SMC1B: variants seen among roughly 807,000 people sequenced by gnomAD.
The protein encoded by SMC1B is structural maintenance of chromosomes 1B.
A neutral mutation model predicts 157.9 loss-of-function variants in SMC1B; 60 were observed. The observed-to-expected ratio is 0.38, with a 90% CI of 0.31 to 0.47. The LOEUF (loss-of-function observed/expected upper bound fraction) is 0.47. SMC1B is among the 20% of genes least tolerant of loss of function. The pLI is 0.99. For synonymous variants in SMC1B, 445 were observed against 483.0 expected (o/e 0.92, Z 1.03); for missense variants, 1,165 against 1,426.2 (o/e 0.82, Z 2.95).
Position 45,361,987 on chromosome 22 carries a change from G to A in SMC1B, c.2563-3C>T. Reference sequence around the variant, plus strand: ...GTCTGCAGACAGTTTTCTTCAGCCTGAACAGAGAGGATCTGCATTGTAGAT... The same window carrying A: ...GTCTGCAGACAGTTTTCTTCAGCCTAAACAGAGAGGATCTGCATTGTAGAT... On this transcript the variant is annotated splice_polypyrimidine_tract_variant and splice_region_variant and intron_variant, in intron 16 of 24. Transcript: ENST00000357450. The A allele has an allele frequency of 6.2e-7, 1 of 1,612,266 alleles. No homozygotes were observed. The highest frequency in any genetic ancestry group is 8.5e-7 in the Non-Finnish European group (1 of 1,179,458).
chr22:45,369,542 CTT>C (rs136566), intron 15 of SMC1B, among the ~76,000 whole-genome samples: 78 of 110,728 alleles, frequency 7.0e-4, no homozygotes, highest in East Asian at 1.6e-3. Context: ...CTAGCTGTTT[CTT>C]TTTTTTTTTT....
intron 7 of SMC1B, among the ~76,000 whole-genome samples, chr22:45,395,916 G>T (rs970589084): frequency 1.3e-5 from 2 of 152,260 alleles, no homozygotes; most frequent in Non-Finnish European, 2.9e-5. Flanking sequence ...TAGGAGCTGG[G>T]ATATAAAGAA....
intron 6 of SMC1B, 76 bp downstream of exon 6, chr22:45,399,019 C>G (rs2087159997): frequency 2.8e-6 from 4 of 1,428,370 alleles, no homozygotes; most frequent in Non-Finnish European, 3.8e-6. Context: ...GAGAGGTCAT[C>G]TTTTAAATTT....
intron 9 of SMC1B, 50 bp from the exon 10 acceptor site, chr22:45,389,947 TA>T: frequency 6.9e-7 from 1 of 1,452,040 alleles, no homozygotes; most frequent in Non-Finnish European, 9.5e-7. Flanking sequence ...TAGAGTGAAA[TA>T]TATAATTCAT....
intron 1 of SMC1B, 60 bp from the exon 2 acceptor site, chr22:45,408,958 G>T: frequency 9.2e-7 from 1 of 1,081,282 alleles, no homozygotes; most frequent in Non-Finnish European, 1.3e-6. Flanking sequence ...CCTACCCAGA[G>T]CTGAAGAAAT....
chr22:45,380,048 C>T (rs758197232), intron 12 of SMC1B, among the ~76,000 whole-genome samples: 7 of 152,070 alleles, frequency 4.6e-5, no homozygotes, highest in African/African-American at 1.7e-4. Context: ...CTTAAGAGTA[C>T]TTTCTCTAGT....
rs2087104073 is a variant in SMC1B at position 45,394,751 on chromosome 22, A to G, written c.1271T>C (p.Ile424Thr). The G allele has an allele frequency of 2.6e-6, 4 of 1,545,900 alleles. No individual in the cohort carries two copies. Among genetic ancestry groups the G allele is most frequent in the Non-Finnish European group, 3.5e-6 (4 of 1,140,074 alleles). The change falls in exon 8 of 25, where the codon ATA becomes ACA. Residue 424 changes from isoleucine to threonine, a missense_variant. Transcript: ENST00000357450. ...HGEVQGNLKQ[I>T]KEQIEDHKKR... ...TTTATGATCTTCTATTTGTTCTTTT[A>G]TTTGTTTTAGATTTCCCTAAAAGAG...
intron 10 of SMC1B, among the ~76,000 whole-genome samples, chr22:45,387,582 C>T (rs990510658): frequency 1.3e-5 from 2 of 152,194 alleles, no homozygotes; most frequent in African/African-American, 2.4e-5. Flanking sequence ...AGCCACAAGA[C>T]GTAATTTCCA....
rs79642969 is a variant in SMC1B, at chr22:45,375,566, C to T, written c.2059-3274G>A. Among the ~76,000 whole-genome samples, 792 of 152,260 alleles carry T rather than the reference C, an allele frequency of 5.2e-3. 3 individuals carry two copies. Among genetic ancestry groups the T allele is most frequent in the Non-Finnish European group, 8.3e-3 (565 of 68,024 alleles). On this transcript the variant is annotated intron_variant, in intron 12 of 24. Coordinates refer to ENST00000357450, the MANE Select transcript of SMC1B (RefSeq NM_148674.5). ...AACTGAAATGATTTCAGTGTTTTCA[C>T]CATTTAAGCAATTATTTCTGTTCAA...
chr22:45,385,993 TAATAA>T (rs2086985561), intron 11 of SMC1B, among the ~76,000 whole-genome samples: 1 of 152,094 alleles, frequency 6.6e-6, no homozygotes, highest in South Asian at 2.1e-4. Context: ...GACTAGTAGG[TAATAA>T]AATTACTACC....
intron 1 of SMC1B, among the ~76,000 whole-genome samples, chr22:45,413,211 C>T (rs1044771536): frequency 6.6e-6 from 1 of 151,442 alleles, no homozygotes; most frequent in Non-Finnish European, 1.5e-5. Flanking sequence ...GTCAGGACCT[C>T]CGAGGTGGGG....
chr22:45,394,998 AAGG>A (rs779538066), intron 7 of SMC1B, among the ~76,000 whole-genome samples: 1 of 152,202 alleles, frequency 6.6e-6, no homozygotes, highest in Non-Finnish European at 1.5e-5. Context: ...TTCAAACTTC[AAGG>A]AGATTATTTT....
At chr22:45,374,802 G>A (rs1032073642) in intron 12 of SMC1B, among the ~76,000 whole-genome samples, 3 of 152,014 alleles carry the variant, frequency 2.0e-5, no homozygotes, top group African/African-American at 4.8e-5. Context: ...GGCCTATATC[G>A]ATTTTCCAGG....
intron 12 of SMC1B, among the ~76,000 whole-genome samples, chr22:45,383,133 CAA>C (rs5845706): frequency 7.0e-6 from 1 of 143,372 alleles, no homozygotes. Flanking sequence ...AACTCTGTCT[CAA>C]AAAAAAAAAC....
intron 21 of SMC1B, among the ~76,000 whole-genome samples, chr22:45,353,543 G>C (rs2086636011): frequency 6.6e-6 from 1 of 152,052 alleles, no homozygotes; most frequent in African/African-American, 2.4e-5. Flanking sequence ...TTTGAACCCT[G>C]CCTTTAGTTA....
At chr22:45,367,212 T>C (rs1006689234) in intron 15 of SMC1B, among the ~76,000 whole-genome samples, 2 of 152,214 alleles carry the variant, frequency 1.3e-5, no homozygotes. Context: ...TAAAGGATTA[T>C]CTCTGTCTGG....
At chr22:45,357,901 T>C (rs1301166971) in intron 19 of SMC1B, among the ~76,000 whole-genome samples, 3 of 152,132 alleles carry the variant, frequency 2.0e-5, no homozygotes, top group African/African-American at 7.2e-5. Flanking sequence ...TGTTGGAGGA[T>C]GGGGACTATT....
At chr22:45,392,926 C>T (rs1168305962) in intron 9 of SMC1B, among the ~76,000 whole-genome samples, 6 of 152,154 alleles carry the variant, frequency 3.9e-5, no homozygotes, top group African/African-American at 1.4e-4. Flanking sequence ...GTCTCAAACT[C>T]CTGACCTCAG....
In SMC1B at chr22:45,402,576, A is replaced by T. The variant is rs1461229907; in HGVS notation, c.616-5T>A. 4 of 1,601,404 alleles carry T rather than the reference A, an allele frequency of 2.5e-6. No homozygotes were observed. In the African/African-American group the frequency reaches 5.4e-5, roughly 22 times the overall value. On this transcript the variant is annotated splice_polypyrimidine_tract_variant and splice_region_variant and intron_variant, in intron 4 of 24. Coordinates refer to ENST00000357450, the MANE Select transcript of SMC1B (RefSeq NM_148674.5). ...GAGACTCTGGTAACGTTCTGCCTAT[A>T]AAAGAGTATAATTCAACAGCAGTTA...
Sources: gnomAD v4.1 joint callset for allele counts (sites outside exome capture counted in the v4.1 genomes callset) on GRCh38, gnomAD v4.1.1 for gene constraint, MANE v1.5 for transcripts, NCBI Gene and HGNC (gene_info 2026-07-23, HGNC 2026-07-21) for gene names.